Variants in ZNF845 observed in about 807,000 individuals in gnomAD.
ZNF845 encodes the protein zinc finger protein 845.
ZNF845 carries 59 observed loss-of-function variants against 76.1 expected under a neutral mutation model. The ratio of observed to expected loss-of-function variants is 0.78; its 90% CI spans 0.63 to 0.96. The LOEUF is 0.96. Ranked by LOEUF, ZNF845 falls within the 40% of genes least tolerant of loss-of-function variation. The pLI is 0.00. For synonymous variants in ZNF845, 361 were observed against 386.9 expected (o/e 0.93, Z 0.78); for missense variants, 1,045 against 1,172.8 (o/e 0.89, Z 1.59).
At chr19:53,337,516 A>T (rs2085224200) in intron 1 of ZNF845, among the ~76,000 whole-genome samples, 1 of 151,942 alleles carries the variant, frequency 6.6e-6, no homozygotes, top group Admixed American at 6.6e-5. Context: ...AAGCAGCTGA[A>T]ATTAAATGTG....
At position 53,351,923 on chromosome 19, in the gene ZNF845, T is replaced by C. The variant is rs1445680177; in HGVS notation, c.1248T>C (p.Cys416=). ...AGAAACCTTATAAGTGTAATGATTG[T>C]GGCAAGACCTTCAGTCAGATGTCAT... ...TGEKPYKCND[C]GKTFSQMSSL... The change falls in exon 4 of 4, where the codon TGT becomes TGC. Residue 416 remains cysteine, a synonymous_variant. Coordinates refer to ENST00000458035, the MANE Select transcript of ZNF845 (RefSeq NM_138374.3). 3 of 1,613,768 alleles carry C rather than the reference T, an allele frequency of 1.9e-6. No individual in the cohort carries two copies. Among genetic ancestry groups the C allele is most frequent in the Non-Finnish European group, 2.5e-6 (3 of 1,179,968 alleles).
Position 53,353,552 on chromosome 19 carries a change from A to T in ZNF845, c.2877A>T (p.Ala959=), listed in dbSNP as rs369398777. Residue 959 remains alanine, a synonymous_variant, in exon 4 of 4, where the codon GCA becomes GCT. Coordinates refer to ENST00000458035, the MANE Select transcript of ZNF845 (RefSeq NM_138374.3). ...GKVFNRKAKL[A]RHHRIHTGKK... The stretch of plus-strand genomic sequence containing the variant: ...TTTTTAATCGAAAAGCAAAACTTGC[A>T]CGTCATCATAGAATTCATACTGGAA... 2 of 1,608,230 alleles carry T rather than the reference A, an allele frequency of 1.2e-6. No individual in the cohort carries two copies. The highest frequency in any genetic ancestry group is 1.7e-6 in the Non-Finnish European group (2 of 1,176,920).
In ZNF845 at chr19:53,344,069, T is replaced by G. The variant is rs368818803; in HGVS notation, c.16-1437T>G. ...TAGGATCACTGCAACCTCTGCCTCC[T>G]GGGATCAAGCAATTCTGCGTCAGCC... is the stretch of plus-strand genomic sequence containing the variant. On this transcript the variant is annotated intron_variant, in intron 2 of 3. Coordinates refer to ENST00000458035, the MANE Select transcript of ZNF845 (RefSeq NM_138374.3). 5.9e-5 allele frequency among the ~76,000 whole-genome samples: 9 copies of G among 152,120 alleles called. No individual in the cohort carries two copies. In the East Asian group the frequency reaches 1.7e-3, roughly 29 times the overall value.
chr19:53,343,712 A>G (rs896446700), intron 2 of ZNF845, among the ~76,000 whole-genome samples: 4 of 152,108 alleles, frequency 2.6e-5, no homozygotes, highest in Non-Finnish European at 4.4e-5. Flanking sequence ...GGAAATGACA[A>G]TCCTTTGTAT....
At chr19:53,339,913 C>T (rs1400542511) in intron 1 of ZNF845, among the ~76,000 whole-genome samples, 1 of 152,212 alleles carries the variant, frequency 6.6e-6, no homozygotes, top group Admixed American at 6.5e-5. Flanking sequence ...GGTGGAGTCT[C>T]ACTCTGTCAC....
At position 53,352,792 on chromosome 19, in the gene ZNF845, T is replaced by A. The variant is rs2085351749; in HGVS notation, c.2117T>A (p.Leu706His). ...AAGACCTTCGGTCGAAATTCAGCCC[T>A]TATAATTCACAAGGCAATTCATACT... ...CGKTFGRNSA[L>H]IIHKAIHTGE... is the part of the protein sequence containing the mutation. Residue 706 changes from leucine (L) to histidine (H), a missense_variant, in exon 4 of 4, where the codon CTT becomes CAT. Leu to His is a moderately conservative substitution (Grantham distance 99). Transcript: ENST00000458035. 6 of 1,614,088 alleles carry A rather than the reference T, an allele frequency of 3.7e-6. No individual in the cohort carries two copies. The highest frequency in any genetic ancestry group is 1.7e-5 in the Admixed American group (1 of 60,022).
At chr19:53,348,037 A>T (rs920042055) in intron 3 of ZNF845, among the ~76,000 whole-genome samples, 3 of 152,176 alleles carry the variant, frequency 2.0e-5, no homozygotes, top group Admixed American at 2.0e-4. Context: ...TAAAAATACA[A>T]AAATTAGCTG....
intron 3 of ZNF845, among the ~76,000 whole-genome samples, chr19:53,346,703 T>C (rs8112987): frequency 0.84 from 127,069 of 152,074 alleles, 53,276 homozygotes; most frequent in Non-Finnish European, 0.88. Flanking sequence ...TCATCACCTG[T>C]GAAAACTATT....
intron 2 of ZNF845, among the ~76,000 whole-genome samples, chr19:53,343,536 G>A (rs2085272289): frequency 6.6e-6 from 1 of 152,078 alleles, no homozygotes; most frequent in Non-Finnish European, 1.5e-5. Context: ...CTTCTACCAA[G>A]ATGTGATTCT....
rs2085363630 is a variant in ZNF845, at chr19:53,353,705, G to A, written c.*117G>A. 1 of 1,520,682 alleles carries A rather than the reference G, an allele frequency of 6.6e-7. No homozygotes were observed. The highest frequency in any genetic ancestry group is 1.4e-5 in the African/African-American group (1 of 71,488). The allele number at this position is 1,520,682 out of a possible 1,614,324, so 94.2% of individuals were successfully genotyped here. The stretch of plus-strand genomic sequence containing the variant: ...AGTTTGTGACAAGAATCTTGGGCGT[G>A]ATTCACACCTGGCCCAACAAACTAG... On this transcript the variant is annotated 3_prime_UTR_variant, in exon 4 of 4. Coordinates refer to ENST00000458035, the MANE Select transcript of ZNF845 (RefSeq NM_138374.3).
chr19:53,337,778 C>T lies in ZNF845; in HGVS notation c.-73-3457C>T, dbSNP rs7508495. Among the ~76,000 whole-genome samples the T allele has an allele frequency of 7.2e-3, 1,092 of 152,158 alleles. 12 individuals carry two copies. The highest frequency in any genetic ancestry group is 0.025 in the African/African-American group (1,046 of 41,492). ...ATGGAGTTTCACCATCTTGGTCAGGCTGGTCTCGAACTCCAGACCTTAAGT... is the reference window on the plus strand; with the variant it reads ...ATGGAGTTTCACCATCTTGGTCAGGTTGGTCTCGAACTCCAGACCTTAAGT... On this transcript the variant is annotated intron_variant, in intron 1 of 3. Coordinates refer to ENST00000458035, the MANE Select transcript of ZNF845 (RefSeq NM_138374.3).
intron 2 of ZNF845, among the ~76,000 whole-genome samples, chr19:53,343,721 A>G (rs2085273542): frequency 6.6e-6 from 1 of 152,156 alleles, no homozygotes; most frequent in South Asian, 2.1e-4. Context: ...AATCCTTTGT[A>G]TTAACATCTA....
chr19:53,340,978 G>C, intron 1 of ZNF845: 1 of 461,342 alleles, frequency 2.2e-6, no homozygotes, highest in Non-Finnish European at 3.9e-6. Context: ...CCTTCTCAGT[G>C]GGGACTTCTG....
intron 2 of ZNF845, among the ~76,000 whole-genome samples, chr19:53,343,359 A>G (rs934997185): frequency 6.6e-6 from 1 of 152,204 alleles, no homozygotes; most frequent in Non-Finnish European, 1.5e-5. Context: ...CCCTGTATAA[A>G]GAGTGCCATA....
Position 53,353,763 on chromosome 19 carries a change from C to T in ZNF845, c.*175C>T. Reference sequence around the variant, plus strand: ...ACTGGAGAGAAACCTTACAAGTGTACTGAGTGTGGCAAAGCCTTTAGTGGG... The same window carrying T: ...ACTGGAGAGAAACCTTACAAGTGTATTGAGTGTGGCAAAGCCTTTAGTGGG... On this transcript the variant is annotated 3_prime_UTR_variant, in exon 4 of 4. Coordinates refer to ENST00000458035, the MANE Select transcript of ZNF845 (RefSeq NM_138374.3). The T allele has an allele frequency of 3.3e-6, 5 of 1,516,010 alleles. No individual in the cohort carries two copies. Among genetic ancestry groups the T allele is most frequent in the Non-Finnish European group, 4.4e-6 (5 of 1,134,606 alleles). 93.9% of individuals were successfully genotyped at this position (1,516,010 alleles called of 1,614,324 possible).
chr19:53,336,620 CCTTT>C (rs199656573), intron 1 of ZNF845, among the ~76,000 whole-genome samples: 36 of 139,704 alleles, frequency 2.6e-4, no homozygotes, highest in South Asian at 4.6e-4. Context: ...CCTCTTCCTT[CCTTT>C]CTTTCTTTCT....
chr19:53,352,142 T>C lies in ZNF845; in HGVS notation c.1467T>C (p.His489=). 1 of 1,614,096 alleles carries C rather than the reference T, an allele frequency of 6.2e-7. No homozygotes were observed. Among genetic ancestry groups the C allele is most frequent in the Non-Finnish European group, 8.5e-7 (1 of 1,179,962 alleles). The change falls in exon 4 of 4, where the codon CAT becomes CAC. Residue 489 remains histidine (H), a synonymous_variant. Transcript: ENST00000458035. The part of the protein sequence containing the change: ...TSSLVYHRRL[H]TGEKPYKCEE... ...CCCTTGTATACCATCGTAGACTTCA[T>C]ACTGGAGAGAAACCTTACAAATGTG...
rs764578218 is a variant in ZNF845, at chr19:53,351,880, G to T, written c.1205G>T (p.Arg402Leu). The part of the protein sequence containing the change: ...FSRKSSLTRH[R>L]RLHTGEKPYK... ...CGGAAGTCATCCCTTACACGCCATC[G>T]TAGACTTCATACTGGAGAGAAACCT... The change falls in exon 4 of 4, where the codon CGT becomes CTT. Residue 402 changes from arginine (R) to leucine (L), a missense_variant. Physicochemically the swap from Arg to Leu is moderately radical, Grantham distance 102 (BLOSUM62 -2). Coordinates refer to ENST00000458035, the MANE Select transcript of ZNF845 (RefSeq NM_138374.3). 3.7e-6 allele frequency: 6 copies of T among 1,611,802 alleles called. No homozygotes were observed. The highest frequency in any genetic ancestry group is 5.1e-6 in the Non-Finnish European group (6 of 1,179,498).
chr19:53,347,551 C>A (rs2085305567), intron 3 of ZNF845, among the ~76,000 whole-genome samples: 1 of 151,816 alleles, frequency 6.6e-6, no homozygotes, highest in Non-Finnish European at 1.5e-5. Context: ...CCTCAGCCTC[C>A]CAAAGTGCTG....
Sources: gnomAD v4.1 joint callset for allele counts (sites outside exome capture counted in the v4.1 genomes callset) on GRCh38, gnomAD v4.1.1 for gene constraint, MANE v1.5 for transcripts, NCBI Gene and HGNC (gene_info 2026-07-23, HGNC 2026-07-21) for gene names.